The following ARHGEF10 variants were observed in gnomAD, a reference collection of about 807,000 sequenced individuals.
ARHGEF10 encodes Rho guanine nucleotide exchange factor (GEF) 10.
In ARHGEF10, 140 loss-of-function variants were observed where a neutral mutation model predicts 147.4. That is an observed-to-expected ratio of 0.95 (90% CI 0.83 to 1.09). The LOEUF is 1.09. ARHGEF10 is among the 50% of genes least tolerant of loss of function. The probability of loss-of-function intolerance (pLI) is 0.00; values close to 1 mark genes in which losing one functional copy is unlikely to be tolerated. For synonymous variants in ARHGEF10, 902 were observed against 695.8 expected (o/e 1.30, Z -4.67); for missense variants, 2,222 against 1,752.7 (o/e 1.27, Z -4.78).
At chr8:1,826,398 GTTTGTGTGTGTGCTGTGTGTGTGTGCGC>G (rs1802772302) in intron 1 of ARHGEF10, among the ~76,000 whole-genome samples, 1 of 129,482 alleles carries the variant, frequency 7.7e-6, no homozygotes, top group Non-Finnish European at 1.7e-5. Context: ...GTGTGCGTGT[GTTTGTGTGTGTGCTGTGTGTGTGTGCGC>G]TTTGTGTGTG....
At chr8:1,881,034 A>G (rs1379626953) in intron 9 of ARHGEF10, among the ~76,000 whole-genome samples, 1 of 151,908 alleles carries the variant, frequency 6.6e-6, no homozygotes, top group African/African-American at 2.4e-5. Context: ...GTTTCTGAGG[A>G]GTGGAGGGCG....
intron 26 of ARHGEF10, 146 bp from the exon 27 acceptor site, chr8:1,945,335 T>G: frequency 1.0e-6 from 1 of 991,586 alleles, no homozygotes; most frequent in Non-Finnish European, 1.5e-6. Context: ...GGTGTTTGGT[T>G]GCTGGAGACG....
intron 11 of ARHGEF10, among the ~76,000 whole-genome samples, chr8:1,889,220 G>GGTGAGGGTTCTGTGAGATACTTAGTGGT (rs1809154313): frequency 1.1e-5 from 1 of 90,040 alleles, no homozygotes; most frequent in South Asian, 5.4e-4. Flanking sequence ...CACTGAATGG[G>GGTGAGGGTTCTGTGAGATACTTAGTGGT]GTGAGGGTTG....
At chr8:1,827,181 G>GATAC (rs1191957801) in intron 1 of ARHGEF10, among the ~76,000 whole-genome samples, 1 of 152,220 alleles carries the variant, frequency 6.6e-6, no homozygotes, top group Admixed American at 6.5e-5. Context: ...CCCCCACGCT[G>GATAC]ATACACACAC....
chr8:1,844,855 C>G (rs953803553), intron 2 of ARHGEF10, among the ~76,000 whole-genome samples: 29 of 152,094 alleles, frequency 1.9e-4, no homozygotes, highest in African/African-American at 7.0e-4. Flanking sequence ...TCACTTGAGC[C>G]CAGGAGTTTG....
upstream of ARHGEF10, among the ~76,000 whole-genome samples, chr8:1,823,614 T>C (rs961979792): frequency 3.3e-5 from 5 of 150,178 alleles, no homozygotes; most frequent in African/African-American, 1.2e-4. Flanking sequence ...AGGATCCAGA[T>C]GTTGGGGGCG....
intron 1 of ARHGEF10, among the ~76,000 whole-genome samples, chr8:1,843,086 C>G (rs768196753): frequency 6.6e-6 from 1 of 152,190 alleles, no homozygotes; most frequent in Non-Finnish European, 1.5e-5. Context: ...GCCTGGCTGG[C>G]GAATCCAATT....
At chr8:1,904,090 C>G (rs1334193505) in intron 16 of ARHGEF10, 1 of 151,616 alleles carries the variant, frequency 6.6e-6, no homozygotes, top group Non-Finnish European at 1.5e-5. Flanking sequence ...GAGCAAAACC[C>G]TGTTTCAAAA....
intron 11 of ARHGEF10, among the ~76,000 whole-genome samples, chr8:1,889,662 G>A (rs762900624): frequency 1.2e-5 from 1 of 81,872 alleles, no homozygotes; most frequent in African/African-American, 6.0e-5. Context: ...GAGAAAACTC[G>A]GAGTGGGGTG....
chr8:1,936,758 T>C (rs750622981), intron 26 of ARHGEF10, among the ~76,000 whole-genome samples: 3 of 152,242 alleles, frequency 2.0e-5, no homozygotes, highest in Non-Finnish European at 4.4e-5. Context: ...ATGAATCATA[T>C]TTGCACACAC....
intron 25 of ARHGEF10, among the ~76,000 whole-genome samples, chr8:1,932,825 G>A (rs1273126479): frequency 6.6e-6 from 1 of 152,186 alleles, no homozygotes; most frequent in Non-Finnish European, 1.5e-5. Context: ...AAAGAGATAA[G>A]AACTGAGGCC....
rs1815732079 is a variant in ARHGEF10, at chr8:1,958,260, C to A, written c.*997C>A. The A allele has an allele frequency of 1.3e-5, 2 of 152,264 alleles. No homozygotes were observed. Among genetic ancestry groups the A allele is most frequent in the Non-Finnish European group, 2.9e-5 (2 of 68,060 alleles). 9.4% of individuals were successfully genotyped at this position (152,264 alleles called of 1,614,324 possible). On this transcript the variant is annotated 3_prime_UTR_variant, in exon 29 of 29. Transcript: ENST00000349830. Reference sequence around the variant, plus strand: ...GCCAAGAGGCGTGACCTCGGGCCAGCCTGTCTGTTGTGCAGACGCCTCCTC... The same window carrying A: ...GCCAAGAGGCGTGACCTCGGGCCAGACTGTCTGTTGTGCAGACGCCTCCTC...
At chr8:1,861,792 C>T (rs2129078930) in intron 4 of ARHGEF10, among the ~76,000 whole-genome samples, 1 of 152,270 alleles carries the variant, frequency 6.6e-6, no homozygotes, top group South Asian at 2.1e-4. Context: ...CACTCTGTGA[C>T]CGCGGAGCAT....
At chr8:1,924,292 G>A (rs1159369388) in intron 21 of ARHGEF10, among the ~76,000 whole-genome samples, 2 of 152,124 alleles carry the variant, frequency 1.3e-5, no homozygotes, top group Admixed American at 6.5e-5. Context: ...GGGCTGGGGG[G>A]TTACTAAAGA....
intron 2 of ARHGEF10, among the ~76,000 whole-genome samples, chr8:1,853,058 GCGGGTGGTTAGATTTGGGCCGGGCA>G (rs1805266244): frequency 8.7e-6 from 1 of 114,608 alleles, no homozygotes; most frequent in African/African-American, 4.1e-5. Flanking sequence ...CCGGGCGCTG[GCGGGTGGTTAGATTTGGGCCGGGCA>G]CTGGCGGGTG....
chr8:1,897,144 G>C (rs1282022951), intron 14 of ARHGEF10, among the ~76,000 whole-genome samples: 1 of 152,208 alleles, frequency 6.6e-6, no homozygotes, highest in Non-Finnish European at 1.5e-5. Context: ...CGGGGACAAA[G>C]TGTGTTCTTG....
intron 28 of ARHGEF10, 87 bp from the exon 29 acceptor site, chr8:1,956,662 G>GCC (rs1383563720): frequency 6.9e-7 from 1 of 1,450,714 alleles, no homozygotes; most frequent in Non-Finnish European, 9.7e-7. Context: ...GGAGGAATGC[G>GCC]TTGGGGTTAA....
chr8:1,855,663 T>TACAC (rs1166042247), intron 2 of ARHGEF10, among the ~76,000 whole-genome samples: 1 of 152,090 alleles, frequency 6.6e-6, no homozygotes, highest in Non-Finnish European at 1.5e-5. Context: ...GTGCTGGGAT[T>TACAC]ACACGTGTGA....
At position 1,839,516 on chromosome 8, in the gene ARHGEF10, A is replaced by G. The variant is rs1324592210; in HGVS notation, c.-47-3837A>G. On this transcript the variant is annotated intron_variant, in intron 1 of 28. Coordinates refer to ENST00000349830, the MANE Select transcript of ARHGEF10 (RefSeq NM_014629.4). The stretch of plus-strand genomic sequence containing the variant: ...CTGGTGTGGGGACTGTCCGGTGTGG[A>G]AGCTGTCCGATATGGGGACTGTCTG... Among the ~76,000 whole-genome samples, 226 of 74,610 alleles carry G rather than the reference A, an allele frequency of 3.0e-3. 3 individuals are homozygous for G. Among genetic ancestry groups the G allele is most frequent in the Middle Eastern group, 0.012 (1 of 82 alleles). 48.9% of individuals were successfully genotyped at this position (74,610 alleles called of 152,430 possible).
Sources: gnomAD v4.1 joint callset for allele counts (sites outside exome capture counted in the v4.1 genomes callset) on GRCh38, gnomAD v4.1.1 for gene constraint, MANE v1.5 for transcripts, NCBI Gene and HGNC (gene_info 2026-07-23, HGNC 2026-07-21) for gene names.